Variants in OTUD7B observed in about 807,000 individuals in gnomAD.
OTUD7B encodes the protein OTU deubiquitinase 7B.
Under a neutral mutation model 82.2 loss-of-function variants are expected in OTUD7B, and 34 were observed. That is an observed-to-expected ratio of 0.41 (90% CI 0.31 to 0.55). The LOEUF (loss-of-function observed/expected upper bound fraction) is 0.55. OTUD7B is among the 20% of genes least tolerant of loss of function. The pLI, the probability that OTUD7B is intolerant of heterozygous loss-of-function variation, is 0.20. For synonymous variants in OTUD7B, 398 were observed against 402.7 expected (o/e 0.99, Z 0.14); for missense variants, 944 against 1,062.1 (o/e 0.89, Z 1.55).
chr1:150,066,089 T>C, the OTUD7B span, among the ~76,000 whole-genome samples: 1 of 152,324 alleles, frequency 6.6e-6, no homozygotes, highest in South Asian at 2.1e-4. This position sits in a 1 kb window ranked among gnomAD's most constrained non-coding sequence, Gnocchi z 4.6. Context: ...ATCTCCTTCT[T>C]TCTTAAAAAA....
intron 1 of OTUD7B, among the ~76,000 whole-genome samples, chr1:149,993,834 G>A (rs879982814): frequency 6.6e-6 from 1 of 152,150 alleles, no homozygotes; most frequent in Non-Finnish European, 1.5e-5. Flanking sequence ...TGCTTCCTGT[G>A]CAGACAGATG....
At chr1:150,048,302 A>C in the OTUD7B span, among the ~76,000 whole-genome samples, 1 of 152,196 alleles carries the variant, frequency 6.6e-6, no homozygotes, top group Admixed American at 6.5e-5. Flanking sequence ...GTAGGAACCC[A>C]TTCATCGATA....
In OTUD7B at chr1:149,955,268, C is replaced by T. The variant is rs587721434; in HGVS notation, c.845+4416G>A. The stretch of plus-strand genomic sequence containing the variant: ...CTTTGTTCTCATTGGTTTCAAAGAA[C>T]ATCTTTATTTCTGCCTTCATTTCAT... On this transcript the variant is annotated intron_variant, in intron 7 of 11. Coordinates refer to ENST00000581312, the MANE Select transcript of OTUD7B (RefSeq NM_020205.4). Among the ~76,000 whole-genome samples, 39 of 152,282 alleles carry T rather than the reference C, an allele frequency of 2.6e-4. No individual in the cohort carries two copies. In the East Asian group the frequency reaches 5.0e-3, roughly 20 times the overall value.
At chr1:149,961,705 T>G (rs1649177575) in intron 6 of OTUD7B, 1 of 152,222 alleles carries the variant, frequency 6.6e-6, no homozygotes, top group South Asian at 2.1e-4. Context: ...TGTTATAACC[T>G]GTTGCAATTA....
In OTUD7B at chr1:149,947,344, A is replaced by G; in HGVS notation, c.1239-9T>C. Reference sequence around the variant, plus strand: ...CTAGGGACAGAATTACACTATGAAAAAGAGAAAAAACAAATTACTGTCACC... The same window carrying G: ...CTAGGGACAGAATTACACTATGAAAGAGAGAAAAAACAAATTACTGTCACC... On this transcript the variant is annotated splice_polypyrimidine_tract_variant and intron_variant, in intron 10 of 11. Transcript: ENST00000581312. The G allele has an allele frequency of 6.4e-7, 1 of 1,551,320 alleles. No homozygotes were observed. Among genetic ancestry groups the G allele is most frequent in the Non-Finnish European group, 8.9e-7 (1 of 1,123,658 alleles).
At chr1:149,969,025 T>A (rs782385132) in intron 3 of OTUD7B, among the ~76,000 whole-genome samples, 1 of 152,044 alleles carries the variant, frequency 6.6e-6, no homozygotes, top group South Asian at 2.1e-4. Flanking sequence ...CTTAAAAATA[T>A]TTTTTAGGTA....
chr1:149,952,873 G>A (rs148338355), intron 7 of OTUD7B, among the ~76,000 whole-genome samples: 2 of 152,102 alleles, frequency 1.3e-5, no homozygotes, highest in African/African-American at 4.8e-5. Context: ...CTGTTTATAT[G>A]CTTCGCCCAC....
intron 1 of OTUD7B, among the ~76,000 whole-genome samples, chr1:150,003,569 A>G (rs747398445): frequency 2.5e-3 from 373 of 152,242 alleles, no homozygotes; most frequent in Non-Finnish European, 4.1e-3. Context: ...TACTTCTATC[A>G]CAGCATCTAT....
chr1:149,977,436 A>T lies in OTUD7B; in HGVS notation c.75T>A (p.Asp25Glu), dbSNP rs782322952. Reference protein sequence around the residue: ...STGAEPGLARDLLEGKNWDVN... With the variant: ...STGAEPGLARELLEGKNWDVN... ...CCTACAACTCCTCACCTTCTAGGAG[A>T]TCTCGCGCTAGCCCTGGCTCTGCTC... The change falls in exon 2 of 12, where the codon GAT becomes GAA. Residue 25 changes from aspartate (D) to glutamate (E), a missense_variant. Asp to Glu is a conservative substitution (Grantham distance 45). Transcript: ENST00000581312. 1.2e-6 allele frequency: 2 copies of T among 1,612,348 alleles called. No individual in the cohort carries two copies. The highest frequency in any genetic ancestry group is 1.7e-6 in the Non-Finnish European group (2 of 1,178,390).
chr1:150,006,379 C>G (rs1553786102), intron 1 of OTUD7B, among the ~76,000 whole-genome samples: 1 of 152,130 alleles, frequency 6.6e-6, no homozygotes, highest in African/African-American at 2.4e-5. Flanking sequence ...ATGGCATGAA[C>G]CTGGGAGGCA....
the OTUD7B span, among the ~76,000 whole-genome samples, chr1:150,031,536 T>G: frequency 6.6e-6 from 1 of 152,238 alleles, no homozygotes; most frequent in Non-Finnish European, 1.5e-5. Flanking sequence ...TTTTTCTAAT[T>G]ATAAAATACA....
intron 1 of OTUD7B, among the ~76,000 whole-genome samples, chr1:149,989,658 G>A (rs1421525029): frequency 5.4e-5 from 8 of 147,658 alleles, no homozygotes; most frequent in Non-Finnish European, 8.9e-5. Context: ...AGGATCAATC[G>A]AGGCCAGGCA....
the OTUD7B span, among the ~76,000 whole-genome samples, chr1:150,036,243 C>T: frequency 2.7e-5 from 4 of 146,992 alleles, no homozygotes; most frequent in Admixed American, 2.1e-4. Context: ...CAAGAGCCAC[C>T]GTGCCCAGTT....
the OTUD7B span, among the ~76,000 whole-genome samples, chr1:150,022,928 G>T: frequency 6.6e-6 from 1 of 152,206 alleles, no homozygotes; most frequent in African/African-American, 2.4e-5. Context: ...TTAGCATCCA[G>T]TAAGGTCATA....
At chr1:149,955,521 G>T (rs1648602868) in intron 7 of OTUD7B, among the ~76,000 whole-genome samples, 1 of 152,216 alleles carries the variant, frequency 6.6e-6, no homozygotes, top group Non-Finnish European at 1.5e-5. Flanking sequence ...ATATTCTGTT[G>T]ATTTGGGGTG....
At chr1:149,964,514 G>T (rs1436563982) in intron 5 of OTUD7B, among the ~76,000 whole-genome samples, 165 bp from the exon 6 acceptor site, 2 of 152,004 alleles carry the variant, frequency 1.3e-5, no homozygotes, top group Non-Finnish European at 2.9e-5. Context: ...TTATAGGTGT[G>T]AGCCATGGCA....
At chr1:149,962,563 C>T (rs1553775806) in intron 6 of OTUD7B, 2 of 152,222 alleles carry the variant, frequency 1.3e-5, no homozygotes, top group African/African-American at 4.8e-5. Context: ...GAAAGGCTGA[C>T]TTTGAGAGGG....
chr1:149,967,226 C>T, intron 4 of OTUD7B, 68 bp downstream of exon 4: 1 of 1,114,752 alleles, frequency 9.0e-7, no homozygotes, highest in South Asian at 1.4e-5. Context: ...TCAAGTCCAG[C>T]CCCTCCACAA....
intron 1 of OTUD7B, among the ~76,000 whole-genome samples, chr1:150,007,518 G>T (rs1652746311): frequency 6.6e-6 from 1 of 152,054 alleles, no homozygotes; most frequent in Non-Finnish European, 1.5e-5. Flanking sequence ...GCTCATAATA[G>T]TCTGCCTTCC....
Sources: gnomAD v4.1 joint callset for allele counts (sites outside exome capture counted in the v4.1 genomes callset) on GRCh38, gnomAD v4.1.1 for gene constraint, Gnocchi (gnomAD v3.1) non-coding constraint, MANE v1.5 for transcripts, NCBI Gene and HGNC (gene_info 2026-07-23, HGNC 2026-07-21) for gene names.